FRMD5: variants seen among roughly 807,000 people sequenced by gnomAD.
The protein encoded by FRMD5 is FERM domain-containing protein 5.
In FRMD5, 20 loss-of-function variants were observed where a neutral mutation model predicts 69.0. The observed-to-expected ratio is 0.29, with a 90% CI of 0.20 to 0.42. The LOEUF is 0.42. Ranked by LOEUF, FRMD5 falls within the 10% of genes least tolerant of loss-of-function variation. The probability of loss-of-function intolerance (pLI) is 1.00; values close to 1 mark genes in which losing one functional copy is unlikely to be tolerated. For synonymous variants in FRMD5, 271 were observed against 260.1 expected, an observed-to-expected ratio of 1.04 and a Z score of -0.40; for missense variants, 595 against 708.6, an observed-to-expected ratio of 0.84 and a Z score of 1.82.
chr15:44,019,078 A>G (rs1277643856), intron 1 of FRMD5, among the ~76,000 whole-genome samples: 1 of 152,050 alleles, frequency 6.6e-6, no homozygotes, highest in Non-Finnish European at 1.5e-5. Flanking sequence ...TATTTTTAGT[A>G]GAGACGGAGT....
intron 1 of FRMD5, among the ~76,000 whole-genome samples, chr15:44,050,957 C>T (rs962167187): frequency 6.6e-6 from 1 of 151,710 alleles, no homozygotes; most frequent in Non-Finnish European, 1.5e-5. Context: ...CGTGCCCAGC[C>T]TGGCCTTTTT....
chr15:43,884,927 G>C, intron 11 of FRMD5, 132 bp from the exon 12 acceptor site: 1 of 741,524 alleles, frequency 1.3e-6, no homozygotes, highest in Non-Finnish European at 2.3e-6. Flanking sequence ...CTGATGTTTT[G>C]GTCATGGAGA....
Position 44,139,263 on chromosome 15 carries a change from AG to A in FRMD5, c.102+55689del, listed in dbSNP as rs1167410633. On this transcript the variant is annotated intron_variant, in intron 1 of 13. Coordinates refer to ENST00000417257, the MANE Select transcript of FRMD5 (RefSeq NM_032892.5). ...TAAAAACTTAGAAATAACAATTACA[AG>A]AACAGAAACACCATCTATAGCTCCC... Among the ~76,000 whole-genome samples, 5 of 151,378 alleles carry A rather than the reference AG, an allele frequency of 3.3e-5. No individual in the cohort carries two copies. In the Admixed American group the frequency reaches 3.3e-4, roughly 10 times the overall value.
intron 1 of FRMD5, among the ~76,000 whole-genome samples, chr15:44,018,402 T>C (rs1329843984): frequency 6.6e-6 from 1 of 152,202 alleles, no homozygotes; most frequent in Non-Finnish European, 1.5e-5. Flanking sequence ...TTAATGGCTG[T>C]CTGCATAAAG....
intron 1 of FRMD5, among the ~76,000 whole-genome samples, chr15:44,128,643 C>T (rs1041338047): frequency 6.6e-6 from 1 of 152,002 alleles, no homozygotes; most frequent in East Asian, 1.9e-4. Context: ...TATGTGCTTA[C>T]CTAAGCAAAC....
chr15:44,027,639 G>GTTT lies in FRMD5; in HGVS notation c.103-103333_103-103331dup, dbSNP rs767882395. On this transcript the variant is annotated intron_variant, in intron 1 of 13. Transcript: ENST00000417257. ...AAACCTGTGCTGACTTTCTTTTCTA[G>GTTT]TTTTTTTTTTTGTTTTTTTTTTTTT... 6.5e-3 allele frequency among the ~76,000 whole-genome samples: 175 copies of GTTT among 27,046 alleles called. 14 individuals are homozygous for GTTT. The highest frequency in any genetic ancestry group is 0.012 in the East Asian group (11 of 944). The allele number at this position is 27,046 out of a possible 152,430, so 17.7% of individuals were successfully genotyped here.
chr15:44,014,662 A>G (rs891330156), intron 1 of FRMD5, among the ~76,000 whole-genome samples: 2 of 152,142 alleles, frequency 1.3e-5, no homozygotes, highest in African/African-American at 4.8e-5. Context: ...GCTTGAACCC[A>G]GGAGATGGAG....
chr15:44,090,851 T>C (rs2076462531), intron 1 of FRMD5, among the ~76,000 whole-genome samples: 1 of 152,224 alleles, frequency 6.6e-6, no homozygotes, highest in Non-Finnish European at 1.5e-5. Context: ...GTTTTGAATT[T>C]TTTTAAAAGA....
intron 1 of FRMD5, among the ~76,000 whole-genome samples, chr15:44,047,046 C>T (rs935067517): frequency 6.6e-6 from 1 of 152,196 alleles, no homozygotes; most frequent in African/African-American, 2.4e-5. Context: ...GTGGCTCATG[C>T]CTGTAATCCT....
chr15:43,901,127 G>A (rs1324963086), intron 7 of FRMD5, among the ~76,000 whole-genome samples: 1 of 152,132 alleles, frequency 6.6e-6, no homozygotes, highest in Non-Finnish European at 1.5e-5. Flanking sequence ...GGAAGAAAGC[G>A]TGAAGACACA....
intron 1 of FRMD5, among the ~76,000 whole-genome samples, chr15:43,975,248 G>C (rs966860793): frequency 6.6e-6 from 1 of 152,128 alleles, no homozygotes; most frequent in African/African-American, 2.4e-5. Context: ...AAGTAGGAGA[G>C]ATAAAACTAA....
intron 1 of FRMD5, among the ~76,000 whole-genome samples, chr15:43,982,241 T>C (rs550823358): frequency 6.6e-6 from 1 of 152,254 alleles, no homozygotes; most frequent in Admixed American, 6.5e-5. Flanking sequence ...CACTTCGATG[T>C]CTTTGGTGTT....
Position 43,923,963 on chromosome 15 carries a change from G to T in FRMD5, c.207+242C>A, listed in dbSNP as rs188599179. Reference sequence around the variant, plus strand: ...CCAGCTGCTCTGCCTCCAACTTTGTGCAAATCATTTAAGCTCCCTAGCCTG... The same window carrying T: ...CCAGCTGCTCTGCCTCCAACTTTGTTCAAATCATTTAAGCTCCCTAGCCTG... On this transcript the variant is annotated intron_variant, in intron 2 of 13. Coordinates refer to ENST00000417257, the MANE Select transcript of FRMD5 (RefSeq NM_032892.5). 2.8e-4 allele frequency among the ~76,000 whole-genome samples: 42 copies of T among 152,332 alleles called. No homozygotes were observed. In the East Asian group the frequency reaches 7.7e-3, roughly 28 times the overall value.
At chr15:44,176,937 T>TA (rs970228633) in intron 1 of FRMD5, among the ~76,000 whole-genome samples, 35 of 71,102 alleles carry the variant, frequency 4.9e-4, no homozygotes, top group Non-Finnish European at 8.5e-4. Flanking sequence ...AGTATAATAA[T>TA]AAAAAAAAGA....
At chr15:43,931,069 C>A (rs150540627) in intron 1 of FRMD5, among the ~76,000 whole-genome samples, 1 of 152,292 alleles carries the variant, frequency 6.6e-6, no homozygotes, top group Non-Finnish European at 1.5e-5. Context: ...TATATGAAAT[C>A]TTTGTACCCT....
At chr15:43,946,246 G>T (rs1229944193) in intron 1 of FRMD5, among the ~76,000 whole-genome samples, 1 of 152,192 alleles carries the variant, frequency 6.6e-6, no homozygotes, top group Non-Finnish European at 1.5e-5. Flanking sequence ...AGCAAAGGCA[G>T]CATGGTTAGC....
At chr15:43,998,093 G>C (rs1019361802) in intron 1 of FRMD5, among the ~76,000 whole-genome samples, 1 of 152,156 alleles carries the variant, frequency 6.6e-6, no homozygotes, top group African/African-American at 2.4e-5. Flanking sequence ...CTGGTTCAAT[G>C]TGGAACTAAG....
intron 1 of FRMD5, among the ~76,000 whole-genome samples, chr15:44,027,109 A>G (rs1595641430): frequency 6.6e-6 from 1 of 152,306 alleles, no homozygotes; most frequent in African/African-American, 2.4e-5. Context: ...GTGGACAATG[A>G]CCCTGGGATC....
At chr15:44,137,684 T>C (rs1252404340) in intron 1 of FRMD5, among the ~76,000 whole-genome samples, 1 of 152,136 alleles carries the variant, frequency 6.6e-6, no homozygotes. Context: ...GATTATATGA[T>C]AGTAATTATT....
Sources: allele counts gnomAD v4.1 joint callset (sites outside exome capture counted in the v4.1 genomes callset), GRCh38; gene constraint gnomAD v4.1.1; transcripts MANE v1.5; gene names NCBI Gene and HGNC (gene_info 2026-07-23, HGNC 2026-07-21).